The following RLF variants were observed in gnomAD, a reference collection of about 807,000 sequenced individuals.
RLF encodes the protein RLF zinc finger, also known as zinc finger protein Rlf.
A neutral mutation model predicts 162.9 loss-of-function variants in RLF; 7 were observed. That is an observed-to-expected ratio of 0.04 (90% CI 0.02 to 0.08). The LOEUF (loss-of-function observed/expected upper bound fraction) is 0.08, where lower values mean the gene tolerates loss of function less well. Among genes scored for constraint, RLF ranks in the 10% least tolerant of loss-of-function variants. RLF has a pLI of 1.00. For missense variants in RLF, 1,664 were observed against 2,244.7 expected, an observed-to-expected ratio of 0.74 and a Z score of 5.23; for synonymous variants, 782 against 791.5, an observed-to-expected ratio of 0.99 and a Z score of 0.20.
intron 5 of RLF, among the ~76,000 whole-genome samples, chr1:40,207,323 C>G (rs1369859899): frequency 6.6e-6 from 1 of 152,158 alleles, no homozygotes; most frequent in Non-Finnish European, 1.5e-5. Context: ...TCCACTCATG[C>G]TTTCTAAGTT....
At chr1:40,228,543 A>G (rs1012037734) in intron 6 of RLF, among the ~76,000 whole-genome samples, 1 of 151,428 alleles carries the variant, frequency 6.6e-6, no homozygotes, top group Non-Finnish European at 1.5e-5. Context: ...AGATCATGCC[A>G]TTGCACTGCA....
chr1:40,218,272 T>C (rs1642951520), intron 5 of RLF, among the ~76,000 whole-genome samples: 1 of 152,212 alleles, frequency 6.6e-6, no homozygotes, highest in South Asian at 2.1e-4. Flanking sequence ...TGGTTGCCTT[T>C]CAAAGGTCTT....
intron 1 of RLF, among the ~76,000 whole-genome samples, chr1:40,178,639 T>TTTG (rs1557739812): frequency 1.3e-5 from 2 of 148,986 alleles, no homozygotes; most frequent in African/African-American, 4.9e-5. Flanking sequence ...TTTGTTTTTT[T>TTTG]TTTTTTTTTG....
intron 5 of RLF, among the ~76,000 whole-genome samples, chr1:40,214,581 T>C (rs1001289169): frequency 6.6e-6 from 1 of 152,014 alleles, no homozygotes; most frequent in African/African-American, 2.4e-5. Context: ...CTGCAAATAG[T>C]GAGGCCCAAC....
At chr1:40,197,021 A>G (rs1642647328) in intron 4 of RLF, among the ~76,000 whole-genome samples, 1 of 152,198 alleles carries the variant, frequency 6.6e-6, no homozygotes, top group Non-Finnish European at 1.5e-5. Flanking sequence ...ACACATTTTG[A>G]GATATCTTTA....
At chr1:40,164,728 CTT>C (rs201482297) in intron 1 of RLF, among the ~76,000 whole-genome samples, 2 of 150,902 alleles carry the variant, frequency 1.3e-5, no homozygotes, top group African/African-American at 4.9e-5. Context: ...ATTTTGAAGA[CTT>C]TTTTTTTAGT....
At chr1:40,174,935 C>T (rs1642299114) in intron 1 of RLF, among the ~76,000 whole-genome samples, 1 of 152,184 alleles carries the variant, frequency 6.6e-6, no homozygotes, top group African/African-American at 2.4e-5. Flanking sequence ...CACAGTGGCT[C>T]ACACCTGTAA....
Position 40,213,687 on chromosome 1 carries a change from C to CT in RLF, c.811-8886dup, listed in dbSNP as rs1348188143. On this transcript the variant is annotated intron_variant, in intron 5 of 7. Coordinates refer to ENST00000372771, the MANE Select transcript of RLF (RefSeq NM_012421.4). ...TATTATTATATGAATAAGCTTAAATCTACTTTGATTCCTTTTTGAAAAAAT... is the reference window on the plus strand; with the variant it reads ...TATTATTATATGAATAAGCTTAAATCTTACTTTGATTCCTTTTTGAAAAAAT... Among the ~76,000 whole-genome samples, 4 of 152,206 alleles carry CT rather than the reference C, an allele frequency of 2.6e-5. 1 individual carries two copies. The highest frequency in any genetic ancestry group is 9.6e-5 in the African/African-American group (4 of 41,456).
rs565838283 is a variant in RLF, at chr1:40,196,604, A to G, written c.607+840A>G. 3.9e-5 allele frequency among the ~76,000 whole-genome samples: 6 copies of G among 152,212 alleles called. No individual in the cohort carries two copies. In the East Asian group the frequency reaches 5.8e-4, roughly 15 times the overall value. On this transcript the variant is annotated intron_variant, in intron 4 of 7. Transcript: ENST00000372771. ...AGCCTCTACCTTTCAGGCTCAAGTG[A>G]TCTGCCTGCCTCTGCCTCACAAGTA...
In RLF at chr1:40,239,577, C is replaced by A; in HGVS notation, c.4875C>A (p.His1625Gln). Residue 1625 changes from histidine to glutamine, a missense_variant, in exon 8 of 8, where the codon CAC becomes CAA. By Grantham distance (24) the His-to-Gln change is conservative (BLOSUM62 0). Transcript: ENST00000372771. ...NRSCESERTEHSHSPGDSSAP... is the reference protein window; with the variant it reads ...NRSCESERTEQSHSPGDSSAP... ...GCTGTGAATCAGAGCGCACAGAACA[C>A]AGCCATTCCCCGGGTGACAGTAGTG... 1 of 1,614,150 alleles carries A rather than the reference C, an allele frequency of 6.2e-7. No individual in the cohort carries two copies.
intron 5 of RLF, among the ~76,000 whole-genome samples, chr1:40,216,227 A>C (rs1201473123): frequency 6.6e-6 from 1 of 152,202 alleles, no homozygotes; most frequent in Non-Finnish European, 1.5e-5. Flanking sequence ...CAACGCCTGT[A>C]ATCCTAGCGC....
At chr1:40,230,676 G>GC (rs765510110) in intron 6 of RLF, among the ~76,000 whole-genome samples, 5 of 152,050 alleles carry the variant, frequency 3.3e-5, no homozygotes, top group East Asian at 1.9e-4. Context: ...CAAGTGATCT[G>GC]CCCCCCTTCA....
chr1:40,195,837 G>A, intron 4 of RLF, 73 bp downstream of exon 4: 1 of 1,445,932 alleles, frequency 6.9e-7, no homozygotes, highest in Non-Finnish European at 9.4e-7. Context: ...TTAAAATTTT[G>A]GGAATTTAAC....
intron 1 of RLF, among the ~76,000 whole-genome samples, chr1:40,187,179 G>A (rs575164668): frequency 2.0e-5 from 3 of 151,130 alleles, no homozygotes; most frequent in South Asian, 2.1e-4. Flanking sequence ...CTACAAGCGC[G>A]CGCCACCACG....
At position 40,239,443 on chromosome 1, in the gene RLF, T is replaced by G. The variant is rs1643261453; in HGVS notation, c.4741T>G (p.Leu1581Val). 6.2e-7 allele frequency: 1 copy of G among 1,613,800 alleles called. No individual in the cohort carries two copies. Among genetic ancestry groups the G allele is most frequent in the African/African-American group, 1.3e-5 (1 of 74,902 alleles). ...KRTHQMSSAY[L>V]EQQMENLVVC... is the part of the protein sequence containing the mutation. ...CACTCATCAGATGAGTAGTGCCTAT[T>G]TAGAGCAACAGATGGAGAATCTTGT... The change falls in exon 8 of 8, where the codon TTA (leucine) becomes GTA (valine). Residue 1581 changes from leucine to valine, a missense_variant. Physicochemically the swap from Leu to Val is conservative, Grantham distance 32 (BLOSUM62 1). Transcript: ENST00000372771.
chr1:40,168,888 G>A (rs1172371431), intron 1 of RLF, among the ~76,000 whole-genome samples: 1 of 152,022 alleles, frequency 6.6e-6, no homozygotes, highest in Non-Finnish European at 1.5e-5. Flanking sequence ...AGCTACTCAG[G>A]AGGCTGAGGC....
At chr1:40,225,417 TA>T (rs1341357417) in intron 6 of RLF, among the ~76,000 whole-genome samples, 1 of 151,286 alleles carries the variant, frequency 6.6e-6, no homozygotes, top group Admixed American at 6.6e-5. Flanking sequence ...CATCTCTACT[TA>T]AAATACAAAA....
intron 6 of RLF, among the ~76,000 whole-genome samples, chr1:40,224,666 G>T (rs1643044320): frequency 1.0e-5 from 1 of 98,942 alleles, no homozygotes; most frequent in Non-Finnish European, 1.8e-5. Flanking sequence ...GTAGTGGGAT[G>T]CTGGAGTTAG....
intron 5 of RLF, among the ~76,000 whole-genome samples, chr1:40,220,449 C>G (rs1436630156): frequency 6.6e-6 from 1 of 152,112 alleles, no homozygotes; most frequent in Non-Finnish European, 1.5e-5. Flanking sequence ...TCATTCATTC[C>G]TACTCATCTT....
Sources: gnomAD v4.1 joint callset for allele counts (sites outside exome capture counted in the v4.1 genomes callset) on GRCh38, gnomAD v4.1.1 for gene constraint, MANE v1.5 for transcripts, NCBI Gene and HGNC (gene_info 2026-07-23, HGNC 2026-07-21) for gene names.